The following EBF4 variants were observed in gnomAD, a reference collection of about 807,000 sequenced individuals.
EBF4 encodes transcription factor COE4.
In EBF4, 34 loss-of-function variants were observed where a neutral mutation model predicts 67.1. The observed-to-expected ratio is 0.51, with a 90% CI of 0.39 to 0.67. The LOEUF (loss-of-function observed/expected upper bound fraction) is 0.67, where lower values mean the gene tolerates loss of function less well. Ranked by LOEUF, EBF4 falls within the 30% of genes least tolerant of loss-of-function variation. EBF4 has a pLI of 0.00. For synonymous variants in EBF4, 387 were observed against 377.7 expected (o/e 1.02, Z -0.29); for missense variants, 837 against 873.3 (o/e 0.96, Z 0.52).
At chr20:2,759,303 T>A in exon 17 of EBF4, 2 of 387,400 alleles carry the variant, frequency 5.2e-6, no homozygotes, top group Non-Finnish European at 9.6e-6. Flanking sequence ...GGACTGGAGG[T>A]CCCTCTGGGA....
At chr20:2,757,212 A>G (rs1193054365) in intron 15 of EBF4, among the ~76,000 whole-genome samples, 1 of 152,184 alleles carries the variant, frequency 6.6e-6, no homozygotes, top group Non-Finnish European at 1.5e-5. Context: ...GGGACGCTGG[A>G]AAGAGGATGG....
intron 1 of EBF4, among the ~76,000 whole-genome samples, chr20:2,700,804 G>A (rs2146370798): frequency 6.6e-6 from 1 of 152,104 alleles, no homozygotes; most frequent in Admixed American, 6.5e-5. Flanking sequence ...GTGTTGATTG[G>A]TCACCTCCTG....
intron 6 of EBF4, among the ~76,000 whole-genome samples, chr20:2,720,616 C>T (rs959493012): frequency 1.3e-5 from 2 of 152,102 alleles, no homozygotes; most frequent in African/African-American, 2.4e-5. Context: ...CTATTACTGT[C>T]GCAGACTTTA....
exon 2 of EBF4, chr20:2,705,661 C>A: frequency 6.4e-7 from 1 of 1,552,742 alleles, no homozygotes; most frequent in Non-Finnish European, 8.7e-7. Flanking sequence ...TCGTGCTGGC[C>A]ATGTACGACC....
chr20:2,759,543 C>T, downstream of EBF4: 1 of 159,072 alleles, frequency 6.3e-6, no homozygotes, highest in Non-Finnish European at 1.4e-5. Flanking sequence ...GATTCTGGGC[C>T]TCACTGTCTG....
chr20:2,718,045 G>A (rs183254169), intron 6 of EBF4, among the ~76,000 whole-genome samples: 2 of 152,042 alleles, frequency 1.3e-5, no homozygotes, highest in African/African-American at 2.4e-5. Context: ...TCCTGACCTC[G>A]TGATCCACCC....
At chr20:2,713,379 T>G (rs2087568300) in intron 6 of EBF4, among the ~76,000 whole-genome samples, 1 of 152,038 alleles carries the variant, frequency 6.6e-6, no homozygotes, top group African/African-American at 2.4e-5. Flanking sequence ...GATTGCTTTG[T>G]TTTCTCCATG....
At chr20:2,731,179 G>A (rs2087809142) in intron 6 of EBF4, among the ~76,000 whole-genome samples, 1 of 152,230 alleles carries the variant, frequency 6.6e-6, no homozygotes, top group Admixed American at 6.5e-5. Flanking sequence ...TTACAGGCAT[G>A]AGCCACTGTG....
chr20:2,757,284 C>T (rs192309019), intron 15 of EBF4, among the ~76,000 whole-genome samples: 12 of 152,304 alleles, frequency 7.9e-5, no homozygotes, highest in Non-Finnish European at 1.5e-4. Context: ...CCCACAGAAT[C>T]GGCTACCCTG....
rs1028448097 is a variant in EBF4, at chr20:2,739,426, G to A, written c.558-9123G>A. ...AAATTGGAGCTCTAGGAAGCATTCCGCCTCCCCTAGGCAAAATAAGTGGCC... is the reference window on the plus strand; with the variant it reads ...AAATTGGAGCTCTAGGAAGCATTCCACCTCCCCTAGGCAAAATAAGTGGCC... On this transcript the variant is annotated intron_variant, in intron 6 of 16. Coordinates refer to ENST00000609451, the Ensembl canonical transcript of EBF4. The surrounding 1 kb of genome is among the most constrained non-coding windows in gnomAD (Gnocchi z 4.5). 1.3e-5 allele frequency among the ~76,000 whole-genome samples: 2 copies of A among 152,100 alleles called. No individual in the cohort carries two copies. Among genetic ancestry groups the A allele is most frequent in the South Asian group, 2.1e-4 (1 of 4,800 alleles).
At position 2,756,322 on chromosome 20, in the gene EBF4, A is replaced by G. The variant is rs1489503388; in HGVS notation, c.1738+498A>G. ...TTTTACAGATTAGGACTTGAGACCA[A>G]GTCATCTTCCCACATCCCATTCATG... On this transcript the variant is annotated intron_variant, in intron 15 of 16. Transcript: ENST00000609451. This position sits in a 1 kb window ranked among gnomAD's most constrained non-coding sequence, Gnocchi z 4.5. Among the ~76,000 whole-genome samples the G allele has an allele frequency of 6.6e-6, 1 of 152,248 alleles. No individual in the cohort carries two copies. Among genetic ancestry groups the G allele is most frequent in the Non-Finnish European group, 1.5e-5 (1 of 68,046 alleles).
intron 5 of EBF4, among the ~76,000 whole-genome samples, chr20:2,709,222 C>T (rs1257479467): frequency 6.6e-6 from 1 of 152,154 alleles, no homozygotes; most frequent in Admixed American, 6.5e-5. Flanking sequence ...TGTGGTCATT[C>T]ATGAGCTCAC....
At chr20:2,750,339 A>G (rs2088123928) in intron 10 of EBF4, among the ~76,000 whole-genome samples, 1 of 152,118 alleles carries the variant, frequency 6.6e-6, no homozygotes. Context: ...CAAAGATGCC[A>G]ATGGGGTCGC....
chr20:2,729,742 C>T (rs55859849), intron 6 of EBF4, among the ~76,000 whole-genome samples: 7,533 of 152,234 alleles, frequency 0.049, 591 homozygotes, highest in African/African-American at 0.17. Context: ...AAAAAGAGTC[C>T]GTTTTCACAT....
At chr20:2,752,308 C>T in intron 13 of EBF4, 45 bp downstream of exon 13, 1 of 1,202,640 alleles carries the variant, frequency 8.3e-7, no homozygotes, top group African/African-American at 1.6e-5. Context: ...GCCGCCACCG[C>T]CCCTCCCCGG....
At chr20:2,711,180 A>AT (rs201756294) in intron 6 of EBF4, among the ~76,000 whole-genome samples, 17 of 144,672 alleles carry the variant, frequency 1.2e-4, no homozygotes, top group Middle Eastern at 7.4e-3. Context: ...AATAATAATA[A>AT]AATTAAATTA....
intron 1 of EBF4, among the ~76,000 whole-genome samples, chr20:2,697,552 A>G (rs4994609): frequency 4.1e-5 from 6 of 147,150 alleles, no homozygotes; most frequent in East Asian, 4.1e-4. Context: ...CTCAAAAAAA[A>G]AAAGAAAGAA....
At chr20:2,736,881 G>C (rs949408496) in intron 6 of EBF4, among the ~76,000 whole-genome samples, 1 of 152,198 alleles carries the variant, frequency 6.6e-6, no homozygotes, top group African/African-American at 2.4e-5. Flanking sequence ...CTGGGCAGCC[G>C]AAGCCAAGCT....
chr20:2,710,483 G>A (rs2087527663), intron 6 of EBF4, among the ~76,000 whole-genome samples: 3 of 151,942 alleles, frequency 2.0e-5, no homozygotes, highest in Admixed American at 6.6e-5. Flanking sequence ...CATAAATAAG[G>A]TGTAAAATTC....
Sources: allele counts gnomAD v4.1 joint callset (sites outside exome capture counted in the v4.1 genomes callset), GRCh38; gene constraint gnomAD v4.1.1; non-coding constraint Gnocchi (gnomAD v3.1); transcripts MANE v1.5; gene names NCBI Gene and HGNC (gene_info 2026-07-23, HGNC 2026-07-21).